NELL1: variants seen among roughly 807,000 people sequenced by gnomAD.
NELL1 encodes the protein neural EGFL like 1.
In NELL1, 76 loss-of-function variants were observed where a neutral mutation model predicts 107.4. That is an observed-to-expected ratio of 0.71 (90% confidence interval 0.59 to 0.86). The LOEUF (loss-of-function observed/expected upper bound fraction) is 0.86, where lower values mean the gene tolerates loss of function less well. Ranked by LOEUF, NELL1 falls within the 40% of genes least tolerant of loss-of-function variation. The probability of loss-of-function intolerance (pLI) is 0.00; values close to 1 mark genes in which losing one functional copy is unlikely to be tolerated. For synonymous variants in NELL1, 353 were observed against 341.2 expected (o/e 1.03, Z -0.38); for missense variants, 1,024 against 1,005.5 (o/e 1.02, Z -0.25).
At chr11:21,367,115 T>C (rs930287984) in intron 14 of NELL1, among the ~76,000 whole-genome samples, 8 of 152,114 alleles carry the variant, frequency 5.3e-5, no homozygotes, top group Admixed American at 5.2e-4. Context: ...AATATGAATT[T>C]TGTGATTTTA....
chr11:21,027,999 T>G (rs1852859850), intron 12 of NELL1, among the ~76,000 whole-genome samples: 1 of 152,124 alleles, frequency 6.6e-6, no homozygotes, highest in South Asian at 2.1e-4. Context: ...AAAAGTTAGG[T>G]GTATTCAAGT....
chr11:20,777,429 C>T (rs771574031), intron 2 of NELL1, among the ~76,000 whole-genome samples: 8 of 152,182 alleles, frequency 5.3e-5, no homozygotes, highest in African/African-American at 1.7e-4. Flanking sequence ...GTCCCTTACA[C>T]GTTAACTGGG....
chr11:21,282,646 A>G (rs1670652), intron 14 of NELL1, among the ~76,000 whole-genome samples: 56,089 of 152,004 alleles, frequency 0.37, 11,365 homozygotes, highest in Non-Finnish European at 0.46. Flanking sequence ...TAGAGCCACC[A>G]TAGCATCTAG....
At chr11:21,101,767 A>G (rs1251444798) in intron 12 of NELL1, among the ~76,000 whole-genome samples, 5 of 152,110 alleles carry the variant, frequency 3.3e-5, no homozygotes, top group African/African-American at 1.2e-4. Flanking sequence ...AGATTGCAAC[A>G]ATTTTCTCCC....
chr11:21,065,643 A>G (rs1311591308), intron 12 of NELL1, among the ~76,000 whole-genome samples: 2 of 152,220 alleles, frequency 1.3e-5, no homozygotes, highest in Non-Finnish European at 2.9e-5. Context: ...ACAGGGCTAG[A>G]TGTCAACTGT....
At chr11:20,788,818 T>C (rs143156922) in intron 3 of NELL1, among the ~76,000 whole-genome samples, 2,683 of 152,308 alleles carry the variant, frequency 0.018, 29 homozygotes, top group South Asian at 0.033. Context: ...CTCTTACATT[T>C]ATCTCTTAGA....
At chr11:21,036,146 A>C (rs1853087110) in intron 12 of NELL1, among the ~76,000 whole-genome samples, 1 of 152,266 alleles carries the variant, frequency 6.6e-6, no homozygotes, top group African/African-American at 2.4e-5. Context: ...TTGCCACACA[A>C]AAAATAAAAT....
Position 20,920,183 on chromosome 11 carries a change from C to A in NELL1, c.759+849C>A, listed in dbSNP as rs58308615. Among the ~76,000 whole-genome samples the A allele has an allele frequency of 5.0e-3, 753 of 151,784 alleles. 5 individuals carry two copies. Among genetic ancestry groups the A allele is most frequent in the Non-Finnish European group, 7.9e-3 (534 of 67,892 alleles). On this transcript the variant is annotated intron_variant, in intron 7 of 19. Coordinates refer to ENST00000357134, the MANE Select transcript of NELL1 (RefSeq NM_006157.5). ...TGTGGACATGAGTTCCAGCCTAGGG[C>A]GAAGAAAGAATTAGGTTGGGCCTAA... is the stretch of plus-strand genomic sequence containing the variant.
intron 5 of NELL1, 55 bp downstream of exon 5, chr11:20,885,595 C>T: frequency 9.1e-7 from 1 of 1,103,472 alleles, no homozygotes; most frequent in East Asian, 2.4e-5. Flanking sequence ...GCTCAGTTTT[C>T]TGTGTTATTT....
At chr11:20,982,282 A>G (rs1851765672) in intron 12 of NELL1, among the ~76,000 whole-genome samples, 1 of 152,144 alleles carries the variant, frequency 6.6e-6, no homozygotes, top group African/African-American at 2.4e-5. Flanking sequence ...TGCCTGCTCA[A>G]ATGAAACTGA....
Position 21,224,003 on chromosome 11 carries a change from C to A in NELL1, c.1427-5329C>A, listed in dbSNP as rs575185822. 2.0e-5 allele frequency among the ~76,000 whole-genome samples: 3 copies of A among 152,234 alleles called. No homozygotes were observed. The East Asian group carries it at 5.8e-4, about 29-fold the overall frequency. ...AATGTATCATACCATTCTTTCCTGGCCTGCAGGTTTCTGCTGGAAAATCTG... is the reference window on the plus strand; with the variant it reads ...AATGTATCATACCATTCTTTCCTGGACTGCAGGTTTCTGCTGGAAAATCTG... On this transcript the variant is annotated intron_variant, in intron 13 of 19. Transcript: ENST00000357134.
intron 2 of NELL1, among the ~76,000 whole-genome samples, chr11:20,678,801 C>A (rs1473283233): frequency 6.6e-6 from 1 of 152,184 alleles, no homozygotes; most frequent in Non-Finnish European, 1.5e-5. Context: ...AGGGCAAAGA[C>A]TTCATAATTT....
At chr11:21,170,809 G>T (rs72936436) in intron 13 of NELL1, among the ~76,000 whole-genome samples, 4 of 151,218 alleles carry the variant, frequency 2.6e-5, no homozygotes, top group Non-Finnish European at 5.9e-5. Flanking sequence ...GCATTTCATG[G>T]CACTTGACTC....
At chr11:20,811,240 G>C (rs947239601) in intron 3 of NELL1, among the ~76,000 whole-genome samples, 3 of 152,104 alleles carry the variant, frequency 2.0e-5, no homozygotes, top group African/African-American at 7.2e-5. Context: ...ATTTATTGAA[G>C]AGACTGTCCT....
At chr11:21,105,713 G>C (rs1854937493) in intron 12 of NELL1, among the ~76,000 whole-genome samples, 1 of 151,808 alleles carries the variant, frequency 6.6e-6, no homozygotes, top group East Asian at 2.0e-4. Context: ...TCTTACCAAG[G>C]ACTTCCTTAC....
At chr11:21,450,188 A>G (rs765287060) in intron 15 of NELL1, among the ~76,000 whole-genome samples, 16 of 152,224 alleles carry the variant, frequency 1.1e-4, no homozygotes, top group Non-Finnish European at 1.0e-4. Context: ...AATAAAATTC[A>G]TCCTTCCAAA....
chr11:21,224,254 A>AT (rs1204983308), intron 13 of NELL1, among the ~76,000 whole-genome samples: 1 of 151,834 alleles, frequency 6.6e-6, no homozygotes, highest in East Asian at 1.9e-4. Context: ...TATTATTATT[A>AT]TTTTTTGAGG....
chr11:21,225,324 A>G (rs1315865030), intron 13 of NELL1, among the ~76,000 whole-genome samples: 1 of 152,128 alleles, frequency 6.6e-6, no homozygotes, highest in Admixed American at 6.5e-5. Context: ...AATGCTCCCT[A>G]TGCTGGGATC....
chr11:21,044,073 A>C (rs181327530), intron 12 of NELL1, among the ~76,000 whole-genome samples: 16 of 152,294 alleles, frequency 1.1e-4, no homozygotes, highest in Admixed American at 9.2e-4. Flanking sequence ...TGAGATTGGC[A>C]GAGAGAATGA....
Sources: allele counts gnomAD v4.1 joint callset (sites outside exome capture counted in the v4.1 genomes callset), GRCh38; gene constraint gnomAD v4.1.1; transcripts MANE v1.5; gene names NCBI Gene and HGNC (gene_info 2026-07-23, HGNC 2026-07-21).